The following ERAP1 variants were observed in gnomAD, a reference collection of about 807,000 sequenced individuals.
ERAP1 encodes endoplasmic reticulum aminopeptidase 1.
In ERAP1, 86 loss-of-function variants were observed where a neutral mutation model predicts 103.7. That is an observed-to-expected ratio of 0.83 (90% CI 0.70 to 0.99). The LOEUF is 0.99. Among genes scored for constraint, ERAP1 ranks in the 50% least tolerant of loss-of-function variants. ERAP1 has a pLI of 0.00. For synonymous variants in ERAP1, 398 were observed against 402.4 expected, an observed-to-expected ratio of 0.99 and a Z score of 0.13; for missense variants, 1,009 against 1,128.4, an observed-to-expected ratio of 0.89 and a Z score of 1.52.
the ERAP1 span, among the ~76,000 whole-genome samples, chr5:96,923,260 C>G: frequency 3.7e-4 from 57 of 152,184 alleles, no homozygotes; most frequent in Admixed American, 1.1e-3. Context: ...TGAGCCACCA[C>G]GCCAGGTCCT....
chr5:96,781,817 C>T lies in ERAP1; in HGVS notation c.2323G>A (p.Gly775Arg), dbSNP rs1372578453. Reference protein sequence around the residue: ...VDVTLAVFAVGAQSTEGWDFL... With the variant: ...VDVTLAVFAVRAQSTEGWDFL... The stretch of plus-strand genomic sequence containing the variant: ...TCCCAGCCTTCTGTGCTCTGGGCCC[C>T]CACAGCAAACACTGCCAAGGTCACG... Residue 775 changes from glycine (G) to arginine (R), a missense_variant, in exon 16 of 19, where the codon GGG (glycine) becomes AGG (arginine). Physicochemically the swap from Gly to Arg is moderately radical, Grantham distance 125. This residue lies in a region of ERAP1 where 611 missense variants were observed against 651.7 expected (regional missense o/e 0.94). Coordinates refer to ENST00000443439, the MANE Select transcript of ERAP1 (RefSeq NM_001040458.3). The T allele has an allele frequency of 1.9e-6, 3 of 1,613,922 alleles. No individual in the cohort carries two copies. The highest frequency in any genetic ancestry group is 3.3e-5 in the Admixed American group (2 of 59,992).
chr5:96,815,467 A>G, the ERAP1 span, among the ~76,000 whole-genome samples: 8 of 143,886 alleles, frequency 5.6e-5, no homozygotes, highest in East Asian at 1.2e-3. Flanking sequence ...GCTGGAGTGC[A>G]ATGGTGTGAT....
the ERAP1 span, chr5:96,879,830 G>T: frequency 1.9e-6 from 3 of 1,614,086 alleles, no homozygotes; most frequent in African/African-American, 1.3e-5. Flanking sequence ...CTTCACTGAG[G>T]ATCCTGGGGC....
the ERAP1 span, among the ~76,000 whole-genome samples, chr5:96,859,488 G>A: frequency 6.6e-6 from 1 of 151,962 alleles, no homozygotes; most frequent in Non-Finnish European, 1.5e-5. Flanking sequence ...CTCTGTAGGT[G>A]GATGGTTCCC....
At chr5:96,922,275 G>A in the ERAP1 span, among the ~76,000 whole-genome samples, 2 of 152,172 alleles carry the variant, frequency 1.3e-5, no homozygotes, top group African/African-American at 4.8e-5. Flanking sequence ...TCCGGCCTGG[G>A]CGACAGAGAG....
At chr5:96,807,751 C>T (rs1056120506) in intron 1 of ERAP1, 109 bp downstream of exon 1, 26 of 811,018 alleles carry the variant, frequency 3.2e-5, no homozygotes, top group Non-Finnish European at 3.7e-5. Flanking sequence ...TCTCCCTCCT[C>T]CCGTGCCCCA....
chr5:96,823,211 C>T, the ERAP1 span: 1 of 439,730 alleles, frequency 2.3e-6, no homozygotes, highest in African/African-American at 2.0e-5. Context: ...CACATCCTGT[C>T]ACCTTTGTCA....
At chr5:96,867,035 C>A in the ERAP1 span, among the ~76,000 whole-genome samples, 1 of 145,784 alleles carries the variant, frequency 6.9e-6, no homozygotes, top group African/African-American at 2.5e-5. Flanking sequence ...TTGTCAGAGT[C>A]TCACTCTGTT....
chr5:96,819,744 A>T, the ERAP1 span, among the ~76,000 whole-genome samples: 3 of 152,304 alleles, frequency 2.0e-5, no homozygotes, highest in East Asian at 5.8e-4. Flanking sequence ...TTAGGGATGA[A>T]TTTCCAGTAT....
At position 96,776,154 on chromosome 5, in the gene ERAP1, G is replaced by C; in HGVS notation, c.*242C>G. The C allele has an allele frequency of 6.7e-7, 1 of 1,490,582 alleles. No homozygotes were observed. The highest frequency in any genetic ancestry group is 8.9e-7 in the Non-Finnish European group (1 of 1,117,962). The allele number at this position is 1,490,582 out of a possible 1,614,324, so 92.3% of individuals were successfully genotyped here. A position where few individuals can be genotyped will look rare whatever the true frequency, so the allele number is the denominator to read the frequency against. On this transcript the variant is annotated 3_prime_UTR_variant, in exon 19 of 19. Coordinates refer to ENST00000443439, the MANE Select transcript of ERAP1 (RefSeq NM_001040458.3). ...GAATAAGGTACTTTATTCTTCTGTG[G>C]CAGGGAACCCAACACTTGGGTTTAC... is the stretch of plus-strand genomic sequence containing the variant.
the ERAP1 span, among the ~76,000 whole-genome samples, chr5:96,877,055 A>G: frequency 1.3e-3 from 193 of 152,246 alleles, no homozygotes; most frequent in African/African-American, 4.5e-3. Flanking sequence ...GCTCACTGCA[A>G]CTTCCACCTC....
the ERAP1 span, among the ~76,000 whole-genome samples, chr5:96,928,881 T>C: frequency 6.6e-6 from 1 of 152,118 alleles, no homozygotes; most frequent in South Asian, 2.1e-4. Context: ...CAGTAAGATC[T>C]CATGAGATGG....
intron 18 of ERAP1, among the ~76,000 whole-genome samples, chr5:96,778,347 C>T (rs910020077): frequency 3.3e-5 from 5 of 152,142 alleles, no homozygotes; most frequent in African/African-American, 1.2e-4. Flanking sequence ...CATTGAACAG[C>T]ATGGTTTTGG....
At chr5:96,850,293 G>C in the ERAP1 span, among the ~76,000 whole-genome samples, 1 of 152,102 alleles carries the variant, frequency 6.6e-6, no homozygotes, top group South Asian at 2.1e-4. Context: ...ACAACAGAGT[G>C]AAGAGACAAC....
chr5:96,849,012 T>C, the ERAP1 span, among the ~76,000 whole-genome samples: 15 of 152,158 alleles, frequency 9.9e-5, no homozygotes, highest in African/African-American at 3.6e-4. Context: ...ATTAACAGAA[T>C]GAAGGACAAA....
At chr5:96,887,659 A>C in the ERAP1 span, among the ~76,000 whole-genome samples, 3 of 152,216 alleles carry the variant, frequency 2.0e-5, no homozygotes, top group African/African-American at 7.2e-5. Flanking sequence ...TATAATTTTT[A>C]GAGTCTTCGT....
At chr5:96,822,801 A>G in the ERAP1 span, 1 of 259,144 alleles carries the variant, frequency 3.9e-6, no homozygotes, top group Admixed American at 5.0e-5. Context: ...ACAAACTGCC[A>G]CAAATTCAAT....
Position 96,774,915 on chromosome 5 carries a change from G to T in ERAP1, c.*1481C>A, listed in dbSNP as rs377735000. The T allele has an allele frequency of 1.8e-5, 18 of 984,896 alleles. No homozygotes were observed. The East Asian group carries it at 8.9e-4, about 49-fold the overall frequency. 61.0% of individuals were successfully genotyped at this position (984,896 alleles called of 1,614,324 possible). A position where few individuals can be genotyped will look rare whatever the true frequency, so the allele number is the denominator to read the frequency against. The stretch of plus-strand genomic sequence containing the variant: ...AGGGGAACACATTTTGACATTTTTC[G>T]TACCAATCATCAATCATATTCCCTT... On this transcript the variant is annotated 3_prime_UTR_variant, in exon 19 of 19. Transcript: ENST00000443439.
Position 96,776,509 on chromosome 5 carries a change from G to T in ERAP1, c.2713C>A (p.Leu905Ile). 1.9e-6 allele frequency: 3 copies of T among 1,614,130 alleles called. No individual in the cohort carries two copies. The highest frequency in any genetic ancestry group is 2.5e-6 in the Non-Finnish European group (3 of 1,180,026). Residue 905 changes from leucine to isoleucine, a missense_variant, in exon 19 of 19, where the codon CTC becomes ATC. Physicochemically the swap from Leu to Ile is conservative, Grantham distance 5. Around this residue, in one of 3 missense-constraint regions of ERAP1, gnomAD observed 611 missense variants for 651.7 expected, o/e 0.94. Coordinates refer to ENST00000443439, the MANE Select transcript of ERAP1 (RefSeq NM_001040458.3). ...TCAATTGTCTGTTGGACACAACGGAGCTGAGAACCATTTTCTTTCAAAGAG... is the reference window on the plus strand; with the variant it reads ...TCAATTGTCTGTTGGACACAACGGATCTGAGAACCATTTTCTTTCAAAGAG... ...FSSLKENGSQ[L>I]RCVQQTIETI... is the part of the protein sequence containing the mutation.
Sources: gnomAD v4.1 joint callset for allele counts (sites outside exome capture counted in the v4.1 genomes callset) on GRCh38, gnomAD v4.1.1 for gene constraint, gnomAD v4.1.1 regional missense constraint, MANE v1.5 for transcripts, NCBI Gene and HGNC (gene_info 2026-07-23, HGNC 2026-07-21) for gene names.